The following CA10 variants were observed in gnomAD, a reference collection of about 807,000 sequenced individuals.
CA10 encodes carbonic anhydrase-related protein 10.
CA10 carries 14 observed loss-of-function variants against 44.2 expected under a neutral mutation model. The ratio of observed to expected loss-of-function variants is 0.32; its 90% CI spans 0.21 to 0.50. The LOEUF (loss-of-function observed/expected upper bound fraction) is 0.50. Ranked by LOEUF, CA10 falls within the 20% of genes least tolerant of loss-of-function variation. The pLI, the probability that CA10 is intolerant of heterozygous loss-of-function variation, is 0.99. For missense variants in CA10, 350 were observed against 409.7 expected (o/e 0.85, Z 1.26); for synonymous variants, 159 against 141.6 (o/e 1.12, Z -0.87).
intron 2 of CA10, among the ~76,000 whole-genome samples, chr17:52,034,690 C>T (rs1162894955): frequency 1.3e-5 from 2 of 152,104 alleles, no homozygotes; most frequent in Non-Finnish European, 2.9e-5. Flanking sequence ...TTTACCTCTC[C>T]AAGTGTCAAC....
At chr17:52,012,408 T>C (rs1331602439) in intron 2 of CA10, among the ~76,000 whole-genome samples, 1 of 151,972 alleles carries the variant, frequency 6.6e-6, no homozygotes, top group African/African-American at 2.4e-5. Flanking sequence ...TATGAGGACT[T>C]GAGGTAACAC....
chr17:52,015,667 C>T (rs1234169708), intron 2 of CA10, among the ~76,000 whole-genome samples: 2 of 152,082 alleles, frequency 1.3e-5, no homozygotes, highest in Non-Finnish European at 2.9e-5. Flanking sequence ...GTGTCAGAGA[C>T]TTCCTTGAGA....
chr17:52,037,985 A>G (rs1986665618), intron 2 of CA10, among the ~76,000 whole-genome samples: 1 of 151,784 alleles, frequency 6.6e-6, no homozygotes, highest in Non-Finnish European at 1.5e-5. Flanking sequence ...TACCTCCTCA[A>G]TTCCTCAAGG....
chr17:52,085,795 G>T (rs753656447), intron 1 of CA10, among the ~76,000 whole-genome samples: 3 of 152,102 alleles, frequency 2.0e-5, no homozygotes, highest in Admixed American at 6.6e-5. Context: ...ACCAACCCTA[G>T]TCAGACTGAA....
chr17:51,695,667 GC>G (rs1201319915), intron 4 of CA10, among the ~76,000 whole-genome samples: 1 of 151,942 alleles, frequency 6.6e-6, no homozygotes, highest in Non-Finnish European at 1.5e-5. Context: ...TCTTTTTCTT[GC>G]CAGATTGCTC....
At chr17:51,954,153 G>C (rs908727679) in intron 2 of CA10, among the ~76,000 whole-genome samples, 1 of 152,156 alleles carries the variant, frequency 6.6e-6, no homozygotes, top group Non-Finnish European at 1.5e-5. Context: ...GAAAACTGAG[G>C]TTCAAAGATA....
At chr17:51,901,467 T>C (rs1475716858) in intron 3 of CA10, among the ~76,000 whole-genome samples, 3 of 152,088 alleles carry the variant, frequency 2.0e-5, no homozygotes, top group African/African-American at 4.8e-5. Flanking sequence ...GCAGTGGCCA[T>C]GGGATCTGTG....
chr17:51,808,006 A>G (rs374850020), intron 3 of CA10, among the ~76,000 whole-genome samples: 1 of 152,192 alleles, frequency 6.6e-6, no homozygotes, highest in Non-Finnish European at 1.5e-5. Flanking sequence ...TTATACCTCA[A>G]TAGATGTAAT....
At chr17:51,848,306 G>A (rs1174899373) in intron 3 of CA10, among the ~76,000 whole-genome samples, 1 of 151,880 alleles carries the variant, frequency 6.6e-6, no homozygotes. Flanking sequence ...AAGTTTTTTT[G>A]GTGTCCCCTT....
intron 3 of CA10, among the ~76,000 whole-genome samples, chr17:51,799,010 T>C (rs529604679): frequency 6.6e-6 from 1 of 152,236 alleles, no homozygotes; most frequent in South Asian, 2.1e-4. Context: ...GGGGAGTAGC[T>C]AGGAAGTTTT....
chr17:52,072,543 T>TC (rs1303467848), intron 1 of CA10, 150 bp from the exon 2 acceptor site: 3 of 549,838 alleles, frequency 5.5e-6, no homozygotes, highest in Admixed American at 3.5e-5. Flanking sequence ...CCTTCCCTTT[T>TC]TTTTTTCAAA....
At chr17:51,799,775 T>A (rs1906855379) in intron 3 of CA10, among the ~76,000 whole-genome samples, 1 of 152,202 alleles carries the variant, frequency 6.6e-6, no homozygotes, top group Non-Finnish European at 1.5e-5. Flanking sequence ...GTCACATTAA[T>A]AATGATCAGG....
At chr17:52,069,110 A>C (rs1310876049) in intron 2 of CA10, among the ~76,000 whole-genome samples, 1 of 152,194 alleles carries the variant, frequency 6.6e-6, no homozygotes, top group Non-Finnish European at 1.5e-5. Flanking sequence ...AGGCCCACAC[A>C]TATTATACAG....
At chr17:51,946,703 TA>T (rs1983286997) in intron 2 of CA10, among the ~76,000 whole-genome samples, 1 of 152,214 alleles carries the variant, frequency 6.6e-6, no homozygotes, top group Non-Finnish European at 1.5e-5. Context: ...CTCCTTACAT[TA>T]AGTGATACTT....
intron 7 of CA10, among the ~76,000 whole-genome samples, chr17:51,634,413 G>A (rs1186365479): frequency 6.6e-6 from 1 of 152,184 alleles, no homozygotes; most frequent in African/African-American, 2.4e-5. Context: ...ATGGTGGTCA[G>A]GTGGGAACAC....
At chr17:52,060,385 T>C (rs965181042) in intron 2 of CA10, among the ~76,000 whole-genome samples, 1 of 151,976 alleles carries the variant, frequency 6.6e-6, no homozygotes, top group African/African-American at 2.4e-5. Flanking sequence ...AGGACCTTAG[T>C]GGAAAAACTC....
intron 1 of CA10, among the ~76,000 whole-genome samples, chr17:52,143,260 T>A (rs1274488505): frequency 6.6e-6 from 1 of 152,200 alleles, no homozygotes; most frequent in African/African-American, 2.4e-5. Flanking sequence ...GATGTTGCTT[T>A]AATGAACACA....
intron 4 of CA10, among the ~76,000 whole-genome samples, chr17:51,727,000 G>A (rs1916547262): frequency 6.6e-6 from 1 of 152,176 alleles, no homozygotes; most frequent in Non-Finnish European, 1.5e-5. Flanking sequence ...CTGGATAGAT[G>A]GACATCATGG....
At chr17:51,761,140 C>T (rs916648081) in intron 3 of CA10, 14 of 152,136 alleles carry the variant, frequency 9.2e-5, no homozygotes, top group Non-Finnish European at 1.9e-4. Context: ...GGATACCAGG[C>T]TCTGAGGAGG....
Sources: gnomAD v4.1 joint callset for allele counts (sites outside exome capture counted in the v4.1 genomes callset) on GRCh38, gnomAD v4.1.1 for gene constraint, MANE v1.5 for transcripts, NCBI Gene and HGNC (gene_info 2026-07-23, HGNC 2026-07-21) for gene names.